Variants in CNDP1 observed in about 807,000 individuals in gnomAD.
The protein encoded by CNDP1 is beta-Ala-His dipeptidase.
In CNDP1, 44 loss-of-function variants were observed where a neutral mutation model predicts 58.1. The observed-to-expected ratio is 0.76, with a 90% CI of 0.60 to 0.97. The LOEUF (loss-of-function observed/expected upper bound fraction) is 0.97, where lower values mean the gene tolerates loss of function less well. Ranked by LOEUF, CNDP1 falls within the 50% of genes least tolerant of loss-of-function variation. The probability of loss-of-function intolerance (pLI) is 0.00; values close to 1 mark genes in which losing one functional copy is unlikely to be tolerated. For synonymous variants in CNDP1, 254 were observed against 252.6 expected, an observed-to-expected ratio of 1.01 and a Z score of -0.05; for missense variants, 616 against 655.1, an observed-to-expected ratio of 0.94 and a Z score of 0.65.
chr18:74,546,867 T>G (rs555266475), intron 1 of CNDP1, among the ~76,000 whole-genome samples: 1 of 152,302 alleles, frequency 6.6e-6, no homozygotes, highest in Non-Finnish European at 1.5e-5. Flanking sequence ...TGGGAATGAG[T>G]CTAAGCTGAA....
chr18:74,534,774 T>G (rs1441222310), intron 1 of CNDP1, 83 bp downstream of exon 1: 1 of 1,548,168 alleles, frequency 6.5e-7, no homozygotes, highest in Non-Finnish European at 8.9e-7. Flanking sequence ...TTAAGCCCAG[T>G]TGGGCAGGGC....
intron 5 of CNDP1, 47 bp downstream of exon 5, chr18:74,562,182 G>A (rs765041829): frequency 1.4e-5 from 22 of 1,559,712 alleles, no homozygotes; most frequent in Admixed American, 1.0e-4. Context: ...GGATGGTAAC[G>A]ACAACTTTCT....
At chr18:74,577,981 A>C in intron 8 of CNDP1, 182 bp from the exon 9 acceptor site, 1 of 554,666 alleles carries the variant, frequency 1.8e-6, no homozygotes, top group Non-Finnish European at 3.2e-6. Flanking sequence ...TAGTGAAGGC[A>C]TCTGAGGACA....
At chr18:74,551,529 C>T (rs1365461598) in intron 1 of CNDP1, among the ~76,000 whole-genome samples, 2 of 152,070 alleles carry the variant, frequency 1.3e-5, no homozygotes, top group Non-Finnish European at 2.9e-5. Flanking sequence ...AGCAGGCTGC[C>T]CTGCTCTGTG....
At chr18:74,534,733 C>A (rs754779546) in intron 1 of CNDP1, 42 bp downstream of exon 1, 2 of 1,612,340 alleles carry the variant, frequency 1.2e-6, no homozygotes, top group East Asian at 4.5e-5. Context: ...CATTGGGTGC[C>A]AGAATTCCAT....
chr18:74,536,076 C>A (rs1980479494), intron 1 of CNDP1, among the ~76,000 whole-genome samples: 1 of 152,128 alleles, frequency 6.6e-6, no homozygotes, highest in African/African-American at 2.4e-5. Flanking sequence ...CAATATAATA[C>A]CCTTTGATAT....
At chr18:74,561,451 C>T (rs1268265702) in intron 4 of CNDP1, 1 of 154,132 alleles carries the variant, frequency 6.5e-6, no homozygotes, top group Non-Finnish European at 1.4e-5. Context: ...AGAGGCGGCT[C>T]TCAAAGTCTA....
At chr18:74,535,638 G>T (rs1490200155) in intron 1 of CNDP1, among the ~76,000 whole-genome samples, 1 of 151,030 alleles carries the variant, frequency 6.6e-6, no homozygotes, top group African/African-American at 2.4e-5. Flanking sequence ...GGGGTTAGAA[G>T]AGGACATTTC....
Position 74,580,714 on chromosome 18 carries a change from T to G in CNDP1, c.1309+443T>G, listed in dbSNP as rs80275707. On this transcript the variant is annotated intron_variant, in intron 10 of 11. Coordinates refer to ENST00000358821, the MANE Select transcript of CNDP1 (RefSeq NM_032649.6). ...CAGGTGTGATGGCTCAAGCTTATAA[T>G]CCCAGCAGTTTGGGAGGCAGAGGCA... 6.9e-3 allele frequency among the ~76,000 whole-genome samples: 1,044 copies of G among 152,316 alleles called. 12 individuals carry two copies. The highest frequency in any genetic ancestry group is 0.022 in the African/African-American group (913 of 41,574).
chr18:74,584,459 T>C, intron 11 of CNDP1, 37 bp from the exon 12 acceptor site: 1 of 1,450,650 alleles, frequency 6.9e-7, no homozygotes, highest in Non-Finnish European at 9.7e-7. Flanking sequence ...TGAATGGAAA[T>C]TGTAACAAAA....
chr18:74,541,305 C>T (rs9948674), intron 1 of CNDP1, among the ~76,000 whole-genome samples: 12 of 152,312 alleles, frequency 7.9e-5, no homozygotes, highest in Admixed American at 2.0e-4. Context: ...CTCCCCTGAG[C>T]GTGCACTGTC....
At chr18:74,574,238 C>T (rs556095391) in intron 7 of CNDP1, among the ~76,000 whole-genome samples, 3 of 152,336 alleles carry the variant, frequency 2.0e-5, no homozygotes, top group East Asian at 1.9e-4. Context: ...CGCTAGTGAG[C>T]GCCAGCTCTG....
intron 5 of CNDP1, among the ~76,000 whole-genome samples, chr18:74,563,127 C>T (rs1478122302): frequency 6.6e-6 from 1 of 152,174 alleles, no homozygotes; most frequent in African/African-American, 2.4e-5. Context: ...GTGCCAGGGG[C>T]TTCCCTCTCA....
intron 5 of CNDP1, among the ~76,000 whole-genome samples, chr18:74,565,448 A>C (rs1372235776): frequency 1.3e-5 from 2 of 152,232 alleles, no homozygotes; most frequent in Non-Finnish European, 1.5e-5. Context: ...TGTAAAATCA[A>C]AAGCAAGCTA....
chr18:74,541,333 C>A (rs1980619746), intron 1 of CNDP1, among the ~76,000 whole-genome samples: 1 of 152,234 alleles, frequency 6.6e-6, no homozygotes, highest in Admixed American at 6.5e-5. Flanking sequence ...GCTGTCCTAG[C>A]TTCTCAGCAG....
rs558199085 is a variant in CNDP1 at position 74,572,857 on chromosome 18, T to A, written c.841+1587T>A. Among the ~76,000 whole-genome samples the A allele has an allele frequency of 6.0e-3, 417 of 69,220 alleles. 3 individuals carry two copies. The highest frequency in any genetic ancestry group is 0.018 in the African/African-American group (295 of 16,434). The allele number at this position is 69,220 out of a possible 152,430, so 45.4% of individuals were successfully genotyped here. On this transcript the variant is annotated intron_variant, in intron 7 of 11. Coordinates refer to ENST00000358821, the MANE Select transcript of CNDP1 (RefSeq NM_032649.6). ...AATAATAGAAAAAGCAAAAAAAAAA[T>A]GTTTAATAATGTGCCCCTTTTGGGC...
At position 74,560,840 on chromosome 18, in the gene CNDP1, CCTGATCATTCTGCAG is replaced by C; in HGVS notation, c.304-12_306del. The stretch of plus-strand genomic sequence containing the variant: ...ACACAGCATTTTTGAAAATGTGATT[CCTGATCATTCTGCAG>C]CTGCCCGATGGTCAGAGTCTTCCAA... On this transcript the variant is annotated splice_acceptor_variant and splice_polypyrimidine_tract_variant and intron_variant, in intron 3 of 11. Transcript: ENST00000358821. LOFTEE classifies it high-confidence loss of function. The C allele has an allele frequency of 6.2e-7, 1 of 1,606,684 alleles. No homozygotes were observed. Among genetic ancestry groups the C allele is most frequent in the Non-Finnish European group, 8.5e-7 (1 of 1,173,636 alleles).
Position 74,559,031 on chromosome 18 carries a change from C to T in CNDP1, c.154-292C>T, listed in dbSNP as rs539338785. On this transcript the variant is annotated intron_variant, in intron 2 of 11. Coordinates refer to ENST00000358821, the MANE Select transcript of CNDP1 (RefSeq NM_032649.6). Reference sequence around the variant, plus strand: ...GTGGGTGGGGACTTGCCCTCCTGTACAGCCCTGGTGAACGCAGTGAGGACC... The same window carrying T: ...GTGGGTGGGGACTTGCCCTCCTGTATAGCCCTGGTGAACGCAGTGAGGACC... Among the ~76,000 whole-genome samples the T allele has an allele frequency of 1.2e-4, 18 of 152,248 alleles. No homozygotes were observed. The South Asian group carries it at 3.5e-3, about 30-fold the overall frequency.
At chr18:74,549,088 A>C (rs1980833817) in intron 1 of CNDP1, among the ~76,000 whole-genome samples, 1 of 152,218 alleles carries the variant, frequency 6.6e-6, no homozygotes, top group South Asian at 2.1e-4. Flanking sequence ...TTGTGGCTGC[A>C]GCATTTACCC....
Sources: gnomAD v4.1 joint callset for allele counts (sites outside exome capture counted in the v4.1 genomes callset) on GRCh38, gnomAD v4.1.1 for gene constraint, MANE v1.5 for transcripts, NCBI Gene and HGNC (gene_info 2026-07-23, HGNC 2026-07-21) for gene names.